Variants in ZNF324B observed in about 807,000 individuals in gnomAD.
The protein encoded by ZNF324B is zinc finger protein 324B.
In ZNF324B, 7 loss-of-function variants were observed where a neutral mutation model predicts 10.6. The observed-to-expected ratio is 0.66, with a 90% CI of 0.38 to 1.24. The LOEUF is 1.24. ZNF324B is among the 50% of genes most tolerant of loss of function. The pLI, the probability that ZNF324B is intolerant of heterozygous loss-of-function variation, is 0.02. For missense variants in ZNF324B, 640 were observed against 764.7 expected (o/e 0.84, Z 1.92); for synonymous variants, 316 against 321.0 (o/e 0.98, Z 0.17).
the ZNF324B span, among the ~76,000 whole-genome samples, chr19:58,427,370 CTTT>C: frequency 2.9e-3 from 120 of 41,522 alleles, no homozygotes; most frequent in African/African-American, 9.1e-3. Flanking sequence ...TTCTTTCTTT[CTTT>C]CTTTCTTTCT....
chr19:58,450,350 A>C (rs1449457613), upstream of ZNF324B, among the ~76,000 whole-genome samples: 1 of 151,988 alleles, frequency 6.6e-6, no homozygotes, highest in Non-Finnish European at 1.5e-5. Flanking sequence ...CTGTAGTTCC[A>C]GCTACTTGGG....
intron 1 of ZNF324B, 123 bp from the exon 2 acceptor site, chr19:58,453,573 A>G (rs2052882904): frequency 1.5e-6 from 2 of 1,363,164 alleles, no homozygotes; most frequent in African/African-American, 2.9e-5. Context: ...CCTGAAGATA[A>G]TCTCGGGGTG....
At chr19:58,427,407 C>CTTTCTTTCTTTCT in the ZNF324B span, among the ~76,000 whole-genome samples, 2 of 30,814 alleles carry the variant, frequency 6.5e-5, no homozygotes, top group South Asian at 1.4e-3. Context: ...TCTTTCTTTC[C>CTTTCTTTCTTTCT]TTCCTTCCTT....
At chr19:58,440,164 G>C in the ZNF324B span, 1 of 352,444 alleles carries the variant, frequency 2.8e-6, no homozygotes, top group African/African-American at 2.2e-5. Flanking sequence ...GGCGGCGCCG[G>C]AAGTCCCGCC....
At chr19:58,439,984 G>A in the ZNF324B span, 23 of 676,048 alleles carry the variant, frequency 3.4e-5, 1 homozygote, top group African/African-American at 4.0e-4. Flanking sequence ...GACGCGTGGC[G>A]CTGGCTCCAC....
At chr19:58,434,952 G>C in the ZNF324B span, 1 of 1,614,164 alleles carries the variant, frequency 6.2e-7, no homozygotes, top group African/African-American at 1.3e-5. Flanking sequence ...TCCCTCCACT[G>C]TGCTCCTTCT....
chr19:58,433,992 T>A, the ZNF324B span: 3 of 1,614,244 alleles, frequency 1.9e-6, no homozygotes, highest in South Asian at 3.3e-5. Context: ...CAAAAGGCCG[T>A]TCTCCAGTGT....
chr19:58,446,139 A>T, the ZNF324B span, among the ~76,000 whole-genome samples: 1 of 152,170 alleles, frequency 6.6e-6, no homozygotes, highest in African/African-American at 2.4e-5. Flanking sequence ...CATCTCAAAA[A>T]ACAAACAAAC....
rs1369266838 is a variant in ZNF324B at position 58,455,688 on chromosome 19, G to C, written c.744G>C (p.Glu248Asp). The C allele has an allele frequency of 6.2e-7, 1 of 1,613,548 alleles. No homozygotes were observed. Among genetic ancestry groups the C allele is most frequent in the African/African-American group, 1.3e-5 (1 of 75,044 alleles). Residue 248 changes from glutamate (E) to aspartate (D), a missense_variant, in exon 4 of 4, where the codon GAG becomes GAC. Coordinates refer to ENST00000336614, the MANE Select transcript of ZNF324B (RefSeq NM_207395.3). This position sits in a 1 kb window ranked among gnomAD's most constrained non-coding sequence, Gnocchi z 7.0. Reference sequence around the variant, plus strand: ...CCTCGACCTGGGACGAGCTGGGCGAGGCTCTTCACGCTGGGGAGAAGTCCT... The same window carrying C: ...CCTCGACCTGGGACGAGCTGGGCGACGCTCTTCACGCTGGGGAGAAGTCCT... ...QEPSTWDELG[E>D]ALHAGEKSFE... is the part of the protein sequence containing the mutation.
chr19:58,434,835 G>C, the ZNF324B span: 1 of 1,614,174 alleles, frequency 6.2e-7, no homozygotes, highest in Non-Finnish European at 8.5e-7. Flanking sequence ...GGTCACAGCT[G>C]CCCAGGATGA....
chr19:58,424,039 AG>A, the ZNF324B span, among the ~76,000 whole-genome samples: 1 of 147,300 alleles, frequency 6.8e-6, no homozygotes, highest in African/African-American at 2.4e-5. Context: ...CAGGAGTTCG[AG>A]ACCAGCTTGA....
chr19:58,445,470 T>G, the ZNF324B span: 1 of 518,944 alleles, frequency 1.9e-6, no homozygotes, highest in South Asian at 1.4e-5. Flanking sequence ...GAGAAAAGCC[T>G]TTTGATTATA....
chr19:58,425,124 T>C, the ZNF324B span, among the ~76,000 whole-genome samples: 1 of 151,872 alleles, frequency 6.6e-6, no homozygotes, highest in Non-Finnish European at 1.5e-5. Context: ...GGCGTGGCGG[T>C]GCACACCTGT....
the ZNF324B span, chr19:58,437,902 T>A: frequency 2.8e-5 from 18 of 631,638 alleles, no homozygotes; most frequent in Non-Finnish European, 1.8e-5. Flanking sequence ...CCCTCTGATA[T>A]CTTTGCCTTT....
chr19:58,427,888 G>A, the ZNF324B span, among the ~76,000 whole-genome samples: 1 of 152,050 alleles, frequency 6.6e-6, no homozygotes, highest in South Asian at 2.1e-4. Flanking sequence ...AACTTTATTT[G>A]CTTAGAAGGC....
intron 3 of ZNF324B, chr19:58,454,891 C>G: frequency 1.7e-6 from 1 of 574,638 alleles, no homozygotes; most frequent in Admixed American, 2.8e-5. Flanking sequence ...GTGGAACAGC[C>G]AGTGTGGAGA....
the ZNF324B span, chr19:58,434,245 A>AGGT: frequency 1.4e-5 from 23 of 1,610,910 alleles, 1 homozygote; most frequent in South Asian, 2.5e-4. Flanking sequence ...ATAAGGTCTT[A>AGGT]CCTGTGTGTG....
chr19:58,453,619 T>C (rs1156982668), intron 1 of ZNF324B, 77 bp from the exon 2 acceptor site: 2 of 1,576,902 alleles, frequency 1.3e-6, no homozygotes, highest in Non-Finnish European at 1.7e-6. Flanking sequence ...GGGAGGTGAC[T>C]GTTGGGATGG....
chr19:58,454,370 A>T, intron 3 of ZNF324B, 26 bp downstream of exon 3: 1 of 1,481,650 alleles, frequency 6.7e-7, no homozygotes, highest in East Asian at 2.3e-5. Context: ...GGTGGGGTGA[A>T]CTAAGGACCA....
Sources: allele counts gnomAD v4.1 joint callset (sites outside exome capture counted in the v4.1 genomes callset), GRCh38; gene constraint gnomAD v4.1.1; non-coding constraint Gnocchi (gnomAD v3.1); transcripts MANE v1.5; gene names NCBI Gene and HGNC (gene_info 2026-07-23, HGNC 2026-07-21).